CIMIP5: variants seen among roughly 807,000 people sequenced by gnomAD.
CIMIP5 encodes ciliary microtubule inner protein 5, also known as uncharacterized protein C2orf50.
the CIMIP5 span, among the ~76,000 whole-genome samples, chr2:11,149,668 C>T: frequency 6.6e-6 from 1 of 152,046 alleles, no homozygotes; most frequent in Non-Finnish European, 1.5e-5. Flanking sequence ...GATCTGATCA[C>T]TGCCTTCCAG....
the CIMIP5 span, chr2:11,140,641 C>G: frequency 9.9e-7 from 1 of 1,013,556 alleles, no homozygotes; most frequent in African/African-American, 1.6e-5. Flanking sequence ...AAGATCTACT[C>G]TACACCAGAT....
the CIMIP5 span, among the ~76,000 whole-genome samples, chr2:11,148,732 C>CTTTGTTTTTT: frequency 2.8e-5 from 1 of 35,540 alleles, no homozygotes; most frequent in African/African-American, 5.6e-5. Flanking sequence ...AATGAAAACT[C>CTTTGTTTTTT]TTTTTTTTTT....
chr2:11,139,680 T>A, the CIMIP5 span, among the ~76,000 whole-genome samples: 3 of 152,228 alleles, frequency 2.0e-5, no homozygotes, highest in African/African-American at 7.2e-5. Context: ...CCCACCATAG[T>A]GACATCATAT....
chr2:11,152,378 C>T, the CIMIP5 span, among the ~76,000 whole-genome samples: 1 of 152,346 alleles, frequency 6.6e-6, no homozygotes, highest in Middle Eastern at 3.4e-3. Flanking sequence ...TAAATTCCTT[C>T]CCAAGGTTGG....
chr2:11,143,773 T>C, the CIMIP5 span: 4 of 655,436 alleles, frequency 6.1e-6, no homozygotes, highest in South Asian at 3.2e-5. Flanking sequence ...ATCGGGTCAC[T>C]CTTGGGGGAT....
At chr2:11,146,367 A>T in the CIMIP5 span, among the ~76,000 whole-genome samples, 1 of 152,210 alleles carries the variant, frequency 6.6e-6, no homozygotes, top group Non-Finnish European at 1.5e-5. Context: ...CTTAAGCATT[A>T]TGCTATATGG....
At chr2:11,138,113 G>A in the CIMIP5 span, among the ~76,000 whole-genome samples, 2 of 152,214 alleles carry the variant, frequency 1.3e-5, no homozygotes, top group South Asian at 2.1e-4. Flanking sequence ...CAGAGTGCTG[G>A]GATTACAGGC....
the CIMIP5 span, among the ~76,000 whole-genome samples, chr2:11,148,574 G>A: frequency 2.0e-5 from 3 of 152,080 alleles, no homozygotes; most frequent in African/African-American, 4.8e-5. Context: ...TATGAGCATC[G>A]AAATGAAGAA....
chr2:11,137,781 A>T, the CIMIP5 span, among the ~76,000 whole-genome samples: 1 of 152,232 alleles, frequency 6.6e-6, no homozygotes, highest in African/African-American at 2.4e-5. Flanking sequence ...AGGCATGGCT[A>T]GGCCAGTGGG....
the CIMIP5 span, among the ~76,000 whole-genome samples, chr2:11,153,733 G>A: frequency 6.6e-6 from 1 of 152,132 alleles, no homozygotes; most frequent in Admixed American, 6.5e-5. Context: ...GATCACCTGA[G>A]GTCAGGAGTT....
chr2:11,133,687 T>C, the CIMIP5 span: 1,360,572 of 1,488,036 alleles, frequency 0.91, 622,418 homozygotes, highest in East Asian at 1. Flanking sequence ...GCAAATGATC[T>C]GGCTGAGGGA....
At chr2:11,145,954 C>G in the CIMIP5 span, 447 of 152,344 alleles carry the variant, frequency 2.9e-3, 1 homozygote, top group African/African-American at 0.01. Flanking sequence ...AATCAACAGG[C>G]AGGGATTTCG....
At chr2:11,144,150 T>G in the CIMIP5 span, 1 of 1,515,176 alleles carries the variant, frequency 6.6e-7, no homozygotes. Flanking sequence ...CAGGTGGGTG[T>G]GGGTGGGGAC....
At chr2:11,143,207 A>G in the CIMIP5 span, among the ~76,000 whole-genome samples, 326 of 152,326 alleles carry the variant, frequency 2.1e-3, 4 homozygotes, top group Non-Finnish European at 2.5e-3. Flanking sequence ...ACCATGGAGT[A>G]CAGTTCACAC....
At chr2:11,137,235 TG>T in the CIMIP5 span, among the ~76,000 whole-genome samples, 1 of 152,054 alleles carries the variant, frequency 6.6e-6, no homozygotes, top group Non-Finnish European at 1.5e-5. Flanking sequence ...TAGCCAGGCA[TG>T]GTAGTGTGCA....
chr2:11,144,044 G>A, the CIMIP5 span: 3,044 of 1,604,704 alleles, frequency 1.9e-3, 43 homozygotes, highest in African/African-American at 0.036. Flanking sequence ...ACTCTCATCC[G>A]CATGGACTTC....
At chr2:11,151,394 CA>C in the CIMIP5 span, among the ~76,000 whole-genome samples, 7 of 152,316 alleles carry the variant, frequency 4.6e-5, no homozygotes, top group East Asian at 1.4e-3. Context: ...TGAAGAGAGT[CA>C]GGGGGTGAGG....
At chr2:11,140,611 C>A in the CIMIP5 span, 5 of 1,298,988 alleles carry the variant, frequency 3.8e-6, no homozygotes, top group South Asian at 1.4e-5. Flanking sequence ...TTCTTTCCAT[C>A]ATTCAACTAA....
At chr2:11,136,418 T>G in the CIMIP5 span, among the ~76,000 whole-genome samples, 1 of 152,190 alleles carries the variant, frequency 6.6e-6, no homozygotes, top group African/African-American at 2.4e-5. Context: ...GGATGACAGG[T>G]CTCAGCTTGA....
Sources: allele counts gnomAD v4.1 joint callset (sites outside exome capture counted in the v4.1 genomes callset), GRCh38; gene constraint gnomAD v4.1.1; transcripts MANE v1.5; gene names NCBI Gene and HGNC (gene_info 2026-07-23, HGNC 2026-07-21).